CDH18: variants seen among roughly 807,000 people sequenced by gnomAD.
The protein encoded by CDH18 is cadherin 18, also known as cadherin-18.
CDH18 carries 31 observed loss-of-function variants against 67.9 expected under a neutral mutation model. The ratio of observed to expected loss-of-function variants is 0.46; its 90% CI spans 0.34 to 0.62. CDH18 has a LOEUF of 0.62. Ranked by LOEUF, CDH18 falls within the 20% of genes least tolerant of loss-of-function variation. The pLI is 0.01. For synonymous variants in CDH18, 362 were observed against 347.2 expected, an observed-to-expected ratio of 1.04 and a Z score of -0.48; for missense variants, 890 against 975.5, an observed-to-expected ratio of 0.91 and a Z score of 1.17.
At chr5:20,011,809 T>G (rs1439639831) in intron 2 of CDH18, among the ~76,000 whole-genome samples, 1 of 152,112 alleles carries the variant, frequency 6.6e-6, no homozygotes, top group East Asian at 1.9e-4. Context: ...TACCTGATTG[T>G]GGTGGATGAG....
chr5:20,089,214 C>G (rs957988629), intron 2 of CDH18, among the ~76,000 whole-genome samples: 4 of 152,022 alleles, frequency 2.6e-5, no homozygotes, highest in Non-Finnish European at 4.4e-5. Flanking sequence ...AAAACAAACT[C>G]AACAATAGAT....
chr5:20,355,149 T>C (rs1230808833), intron 1 of CDH18, among the ~76,000 whole-genome samples: 1 of 152,194 alleles, frequency 6.6e-6, no homozygotes, highest in Non-Finnish European at 1.5e-5. Context: ...TAACAAGTGA[T>C]TCCCCCAACA....
intron 2 of CDH18, among the ~76,000 whole-genome samples, chr5:19,861,774 A>G (rs1784937218): frequency 6.6e-6 from 1 of 152,146 alleles, no homozygotes; most frequent in African/African-American, 2.4e-5. Flanking sequence ...TGTGCTTCCA[A>G]TTATTAAGTT....
intron 1 of CDH18, among the ~76,000 whole-genome samples, chr5:20,431,942 C>T (rs927751888): frequency 5.3e-5 from 8 of 152,080 alleles, no homozygotes; most frequent in Admixed American, 2.0e-4. Flanking sequence ...TGACTTTTTC[C>T]GTCTAACCCT....
intron 3 of CDH18, among the ~76,000 whole-genome samples, chr5:19,800,387 T>C (rs564705889): frequency 1.3e-5 from 2 of 152,292 alleles, no homozygotes; most frequent in South Asian, 2.1e-4. Context: ...ATGTAATTTT[T>C]TTAAGAACAA....
At chr5:19,534,377 C>G (rs762236606) in intron 9 of CDH18, among the ~76,000 whole-genome samples, 1 of 152,000 alleles carries the variant, frequency 6.6e-6, no homozygotes, top group African/African-American at 2.4e-5. Flanking sequence ...AATGAGAATG[C>G]ATGAACCCAA....
At chr5:19,511,203 C>T (rs1224993369) in intron 10 of CDH18, among the ~76,000 whole-genome samples, 3 of 152,104 alleles carry the variant, frequency 2.0e-5, no homozygotes, top group Non-Finnish European at 4.4e-5. Flanking sequence ...TTCCCCTTGG[C>T]TTTCCCCCGT....
At chr5:19,789,382 C>T (rs191706681) in intron 3 of CDH18, among the ~76,000 whole-genome samples, 1 of 152,246 alleles carries the variant, frequency 6.6e-6, no homozygotes, top group East Asian at 1.9e-4. Flanking sequence ...ATGATAATTA[C>T]TCAACAAATG....
intron 2 of CDH18, among the ~76,000 whole-genome samples, chr5:19,916,393 C>T (rs993485056): frequency 1.3e-5 from 2 of 152,140 alleles, no homozygotes; most frequent in Non-Finnish European, 2.9e-5. Flanking sequence ...AGTTCTTGCT[C>T]AATCCCCACC....
At chr5:20,146,611 A>T (rs1199033836) in intron 2 of CDH18, among the ~76,000 whole-genome samples, 1 of 53,310 alleles carries the variant, frequency 1.9e-5, no homozygotes, top group Non-Finnish European at 5.8e-5. Context: ...CTGAAAACTA[A>T]TTTTGTAAAA....
intron 1 of CDH18, among the ~76,000 whole-genome samples, chr5:20,451,286 A>G (rs765385247): frequency 6.6e-6 from 1 of 152,206 alleles, no homozygotes; most frequent in Non-Finnish European, 1.5e-5. Context: ...GAATGAATAC[A>G]TATTTGTGAG....
At chr5:20,415,671 G>C (rs1580948241) in intron 1 of CDH18, among the ~76,000 whole-genome samples, 1 of 152,076 alleles carries the variant, frequency 6.6e-6, no homozygotes, top group African/African-American at 2.4e-5. Context: ...TACTCGGGAG[G>C]CTGAGGCAGG....
intron 1 of CDH18, among the ~76,000 whole-genome samples, chr5:20,555,432 T>C (rs950397537): frequency 2.6e-4 from 6 of 23,008 alleles, no homozygotes; most frequent in African/African-American, 3.2e-4. Flanking sequence ...TTTTTTTTTT[T>C]TTTTTTTTTT....
At chr5:19,482,951 T>C (rs1739713117) in intron 12 of CDH18, among the ~76,000 whole-genome samples, 1 of 151,938 alleles carries the variant, frequency 6.6e-6, no homozygotes, top group South Asian at 2.1e-4. Flanking sequence ...CGGGCTGGGG[T>C]CTTGGTCAGA....
At chr5:20,329,963 T>C (rs993135633) in intron 1 of CDH18, among the ~76,000 whole-genome samples, 2 of 151,960 alleles carry the variant, frequency 1.3e-5, no homozygotes, top group Admixed American at 1.3e-4. Context: ...TTAATTACAT[T>C]TTTCCTAGAG....
chr5:20,205,152 T>C (rs1177926765), intron 2 of CDH18, among the ~76,000 whole-genome samples: 1 of 151,896 alleles, frequency 6.6e-6, no homozygotes, highest in African/African-American at 2.4e-5. Flanking sequence ...ACTTAACCTA[T>C]AAATGCGTAC....
chr5:20,538,906 TTTG>T (rs1296709549), intron 1 of CDH18, among the ~76,000 whole-genome samples: 39 of 132,996 alleles, frequency 2.9e-4, no homozygotes, highest in African/African-American at 8.8e-4. Context: ...CTGTTTTTTT[TTTG>T]TTTTTTTTTT....
At chr5:19,973,937 A>G (rs1478144475) in intron 2 of CDH18, among the ~76,000 whole-genome samples, 1 of 152,080 alleles carries the variant, frequency 6.6e-6, no homozygotes, top group Non-Finnish European at 1.5e-5. Flanking sequence ...ACTTAGAGGG[A>G]GTATTTGCTG....
At chr5:19,589,460 C>T (rs1277937204) in intron 7 of CDH18, among the ~76,000 whole-genome samples, 3 of 152,022 alleles carry the variant, frequency 2.0e-5, no homozygotes, top group African/African-American at 7.2e-5. Context: ...AGAAGTCACC[C>T]ATAAAATGAA....
Sources: allele counts gnomAD v4.1 joint callset (sites outside exome capture counted in the v4.1 genomes callset), GRCh38; gene constraint gnomAD v4.1.1; transcripts MANE v1.5; gene names NCBI Gene and HGNC (gene_info 2026-07-23, HGNC 2026-07-21).